The following ADGB variants were observed in gnomAD, a reference collection of about 807,000 sequenced individuals.
ADGB encodes the protein androglobin.
Under a neutral mutation model 210.5 loss-of-function variants are expected in ADGB, and 172 were observed. That is an observed-to-expected ratio of 0.82 (90% CI 0.72 to 0.93). The LOEUF (loss-of-function observed/expected upper bound fraction) is 0.93. Ranked by LOEUF, ADGB falls within the 40% of genes least tolerant of loss-of-function variation. ADGB has a pLI of 0.00. For missense variants in ADGB, 2,025 were observed against 1,964.8 expected (o/e 1.03, Z -0.58); for synonymous variants, 658 against 662.7 (o/e 0.99, Z 0.11).
In ADGB at chr6:146,759,122, CTG is replaced by C. The variant is rs575354662; in HGVS notation, c.3551-4769_3551-4768del. Among the ~76,000 whole-genome samples the C allele has an allele frequency of 2.0e-5, 3 of 151,834 alleles. No individual in the cohort carries two copies. The East Asian group carries it at 5.8e-4, about 29-fold the overall frequency. On this transcript the variant is annotated intron_variant, in intron 27 of 35. Coordinates refer to ENST00000397944, the MANE Select transcript of ADGB (RefSeq NM_024694.4). The stretch of plus-strand genomic sequence containing the variant: ...ATAAATACTAATAGTTGCAAAAAAT[CTG>C]TGTGTGTGTCTTTACAGGATATCAA...
chr6:146,735,002 A>G (rs1257645939), intron 22 of ADGB, among the ~76,000 whole-genome samples: 2 of 151,880 alleles, frequency 1.3e-5, no homozygotes, highest in African/African-American at 4.8e-5. Flanking sequence ...CCTTACCTCC[A>G]ATAGAATTCT....
chr6:146,669,276 C>T (rs1030154754), intron 7 of ADGB, among the ~76,000 whole-genome samples: 21 of 152,148 alleles, frequency 1.4e-4, no homozygotes, highest in African/African-American at 3.9e-4. Context: ...TTCAGGGAGT[C>T]GAGCAGATCA....
chr6:146,696,738 G>A (rs977818582), intron 12 of ADGB, among the ~76,000 whole-genome samples: 2 of 152,178 alleles, frequency 1.3e-5, no homozygotes, highest in Non-Finnish European at 2.9e-5. Flanking sequence ...AGTAGACAAT[G>A]TAAGAGTGCA....
chr6:146,753,574 C>T (rs1044993519), intron 27 of ADGB, among the ~76,000 whole-genome samples: 2 of 151,852 alleles, frequency 1.3e-5, no homozygotes, highest in African/African-American at 4.8e-5. Context: ...AATAATTAGA[C>T]TTTATGAAAC....
intron 8 of ADGB, among the ~76,000 whole-genome samples, chr6:146,673,046 A>G: frequency 6.6e-6 from 1 of 152,240 alleles, no homozygotes; most frequent in South Asian, 2.1e-4. Flanking sequence ...TTTCTTATAT[A>G]GGAGTCTTAT....
In ADGB at chr6:146,643,908, A is replaced by G. The variant is rs191904012; in HGVS notation, c.238-865A>G. 4.1e-3 allele frequency among the ~76,000 whole-genome samples: 621 copies of G among 151,722 alleles called. 5 individuals are homozygous for G. The highest frequency in any genetic ancestry group is 0.014 in the African/African-American group (592 of 41,338). On this transcript the variant is annotated intron_variant, in intron 2 of 35. Coordinates refer to ENST00000397944, the MANE Select transcript of ADGB (RefSeq NM_024694.4). ...AAGAAAAGCCAATCCAAAAGATTTCATACTTCCTTACAATTATACCACAAA... is the reference window on the plus strand; with the variant it reads ...AAGAAAAGCCAATCCAAAAGATTTCGTACTTCCTTACAATTATACCACAAA...
At chr6:146,628,627 A>G (rs751833090) in intron 1 of ADGB, among the ~76,000 whole-genome samples, 2 of 151,358 alleles carry the variant, frequency 1.3e-5, no homozygotes, top group Non-Finnish European at 2.9e-5. Context: ...CTCTGCACCT[A>G]TTCTGCTGTT....
At chr6:146,764,373 A>AG (rs1311766040) in intron 28 of ADGB, among the ~76,000 whole-genome samples, 1 of 152,152 alleles carries the variant, frequency 6.6e-6, no homozygotes, top group African/African-American at 2.4e-5. Flanking sequence ...CTAATTTTAT[A>AG]GTTGGGTTAT....
rs1037837534 is a variant in ADGB at position 146,802,128 on chromosome 6, C to T, written c.4818+117C>T. ...AAATAAGTCTTGAAAACATAGGTTT[C>T]TATTATTCACAACTTCTAGGAAAAC... On this transcript the variant is annotated intron_variant, in intron 35 of 35. Coordinates refer to ENST00000397944, the MANE Select transcript of ADGB (RefSeq NM_024694.4). 1.0e-5 allele frequency: 7 copies of T among 687,568 alleles called. 1 individual carries two copies. The highest frequency in any genetic ancestry group is 1.5e-5 in the Non-Finnish European group (7 of 481,642). 42.6% of individuals were successfully genotyped at this position (687,568 alleles called of 1,614,324 possible).
At chr6:146,620,789 C>G (rs1780877091) in intron 1 of ADGB, among the ~76,000 whole-genome samples, 1 of 152,086 alleles carries the variant, frequency 6.6e-6, no homozygotes, top group African/African-American at 2.4e-5. Context: ...TCTCATAGAT[C>G]TTCAAATCTT....
intron 29 of ADGB, among the ~76,000 whole-genome samples, chr6:146,774,963 G>A (rs1344755560): frequency 1.3e-5 from 2 of 151,984 alleles, no homozygotes; most frequent in Non-Finnish European, 2.9e-5. Flanking sequence ...AGTAGAGATG[G>A]GGTTTAACCA....
At chr6:146,721,559 A>AGGGAACATGCAATAAGATTTTTAGAGGC in intron 17 of ADGB, 54 bp downstream of exon 17, 1 of 1,248,432 alleles carries the variant, frequency 8.0e-7, no homozygotes, top group Non-Finnish European at 1.1e-6. Flanking sequence ...TGTTCAGGCT[A>AGGGAACATGCAATAAGATTTTTAGAGGC]GGGCGTGGTG....
At chr6:146,660,218 CA>C (rs1459529000) in intron 5 of ADGB, among the ~76,000 whole-genome samples, 2 of 152,076 alleles carry the variant, frequency 1.3e-5, no homozygotes, top group South Asian at 2.1e-4. Flanking sequence ...CATTTTTGTT[CA>C]TTAAATTTGA....
chr6:146,789,331 C>T (rs1777922730), intron 33 of ADGB, among the ~76,000 whole-genome samples: 3 of 152,170 alleles, frequency 2.0e-5, no homozygotes, highest in Admixed American at 2.0e-4. Flanking sequence ...GCCCATTTGT[C>T]TCTCACATCA....
chr6:146,716,804 G>A (rs1041820089), intron 14 of ADGB, 79 bp from the exon 15 acceptor site: 1 of 1,334,894 alleles, frequency 7.5e-7, no homozygotes, highest in Non-Finnish European at 1.0e-6. Context: ...TGATATTTAA[G>A]TTTCCCTTTA....
At chr6:146,803,115 G>C (rs1304958708) in intron 35 of ADGB, 3 of 1,495,816 alleles carry the variant, frequency 2.0e-6, no homozygotes, top group Admixed American at 1.7e-5. Flanking sequence ...GGTGAGCACA[G>C]GAAGGCAATC....
At chr6:146,803,285 A>G in intron 35 of ADGB, 3 of 1,605,910 alleles carry the variant, frequency 1.9e-6, no homozygotes, top group Non-Finnish European at 2.6e-6. Context: ...AAAAAAACCC[A>G]CTATATTTTG....
intron 12 of ADGB, among the ~76,000 whole-genome samples, chr6:146,698,986 T>A (rs1776449538): frequency 6.6e-6 from 1 of 152,196 alleles, no homozygotes; most frequent in Admixed American, 6.6e-5. Context: ...CACAAACATT[T>A]AGTCACACAC....
At chr6:146,769,508 A>G (rs1388483141) in intron 29 of ADGB, among the ~76,000 whole-genome samples, 1 of 152,140 alleles carries the variant, frequency 6.6e-6, no homozygotes, top group Admixed American at 6.6e-5. Context: ...CTTTTAAAAT[A>G]TTTCACAAAT....
Sources: gnomAD v4.1 joint callset for allele counts (sites outside exome capture counted in the v4.1 genomes callset) on GRCh38, gnomAD v4.1.1 for gene constraint, MANE v1.5 for transcripts, NCBI Gene and HGNC (gene_info 2026-07-23, HGNC 2026-07-21) for gene names.